Variants in SEMA3C observed in about 807,000 individuals in gnomAD.
SEMA3C encodes the protein semaphorin-3C.
A neutral mutation model predicts 89.4 loss-of-function variants in SEMA3C; 47 were observed. The ratio of observed to expected loss-of-function variants is 0.53; its 90% CI spans 0.42 to 0.67. SEMA3C has a LOEUF of 0.67. Ranked by LOEUF, SEMA3C falls within the 30% of genes least tolerant of loss-of-function variation. The pLI is 0.00. For synonymous variants in SEMA3C, 310 were observed against 320.2 expected (o/e 0.97, Z 0.34); for missense variants, 839 against 929.1 (o/e 0.90, Z 1.26).
chr7:80,756,754 G>T (rs929840061), intron 15 of SEMA3C, among the ~76,000 whole-genome samples: 1 of 152,032 alleles, frequency 6.6e-6, no homozygotes, highest in Non-Finnish European at 1.5e-5. Context: ...GCTAGATAAC[G>T]TCTTGGTGCC....
At chr7:80,827,288 G>C (rs1297579861) in intron 4 of SEMA3C, 137 bp downstream of exon 4, 1 of 836,802 alleles carries the variant, frequency 1.2e-6, no homozygotes, top group Non-Finnish European at 1.7e-6. Context: ...CAAGGTTTAG[G>C]TTTTTAGCCT....
chr7:80,876,562 A>G (rs943911703), intron 2 of SEMA3C, among the ~76,000 whole-genome samples: 29 of 152,200 alleles, frequency 1.9e-4, no homozygotes, highest in Non-Finnish European at 4.4e-5. Flanking sequence ...TGTTTTAGAG[A>G]TTAAACAAGT....
intron 2 of SEMA3C, among the ~76,000 whole-genome samples, chr7:80,876,491 T>C (rs1196844084): frequency 6.6e-6 from 1 of 152,222 alleles, no homozygotes; most frequent in South Asian, 2.1e-4. Flanking sequence ...AGCTAACTTC[T>C]CTGTGCCTCA....
rs556995318 is a variant in SEMA3C at position 80,814,317 on chromosome 7, T to C, written c.448-3616A>G. 2.6e-5 allele frequency among the ~76,000 whole-genome samples: 4 copies of C among 152,204 alleles called. No individual in the cohort carries two copies. The South Asian group carries it at 8.3e-4, about 32-fold the overall frequency. On this transcript the variant is annotated intron_variant, in intron 5 of 17. Coordinates refer to ENST00000265361, the MANE Select transcript of SEMA3C (RefSeq NM_006379.5). ...GTTAGCCAGGATGGTCTTGATCTCC[T>C]GACGTCATGATCTGCCCGCCTCGGC...
intron 6 of SEMA3C, among the ~76,000 whole-genome samples, chr7:80,807,812 A>T (rs1364534068): frequency 1.3e-5 from 2 of 152,218 alleles, no homozygotes; most frequent in African/African-American, 2.4e-5. Flanking sequence ...TTATTAGCAC[A>T]CTGCGCTTGA....
chr7:80,803,841 T>C (rs1789269540), intron 8 of SEMA3C, among the ~76,000 whole-genome samples: 1 of 152,072 alleles, frequency 6.6e-6, no homozygotes, highest in African/African-American at 2.4e-5. Flanking sequence ...AACAAAATAT[T>C]TTCTTGAATT....
At chr7:80,903,125 T>C (rs1005146593) in intron 2 of SEMA3C, among the ~76,000 whole-genome samples, 9 of 152,188 alleles carry the variant, frequency 5.9e-5, no homozygotes, top group African/African-American at 2.2e-4. Context: ...CCCTTAACAA[T>C]GAAGGTATGT....
chr7:80,762,681 C>T (rs1478784298), intron 13 of SEMA3C, among the ~76,000 whole-genome samples: 2 of 151,874 alleles, frequency 1.3e-5, no homozygotes, highest in South Asian at 2.1e-4. Flanking sequence ...AGTATGGTGG[C>T]GCATGCCTGT....
At chr7:80,754,225 C>T (rs1450715599) in intron 15 of SEMA3C, among the ~76,000 whole-genome samples, 4 of 152,154 alleles carry the variant, frequency 2.6e-5, no homozygotes, top group Non-Finnish European at 5.9e-5. Context: ...GTGTGGGCCA[C>T]TGCGCCCGGC....
intron 15 of SEMA3C, among the ~76,000 whole-genome samples, chr7:80,756,839 C>T (rs1001532382): frequency 2.0e-5 from 3 of 152,186 alleles, no homozygotes; most frequent in African/African-American, 7.2e-5. Flanking sequence ...TTTAACATCA[C>T]GACCTCCTGC....
chr7:80,862,921 TC>T (rs1790806487), intron 2 of SEMA3C, among the ~76,000 whole-genome samples: 2 of 152,144 alleles, frequency 1.3e-5, no homozygotes, highest in South Asian at 4.1e-4. Context: ...TCCTCATCTC[TC>T]TTCTTATACA....
In SEMA3C at chr7:80,758,384, AGG is replaced by A; in HGVS notation, c.1588_1589del (p.Pro530LeufsTer38). ...AGGAATGGCCATCCCAGGCGCAATA[AGG>A]GTCCCGCGCCAGGCAGCAGTCAGCA... ...ACADCCLARD[P>X]YCAWDGHSCS... On this transcript the variant is annotated frameshift_variant, in exon 15 of 18. Transcript: ENST00000265361. LOFTEE classifies it high-confidence loss of function. 6.2e-7 allele frequency: 1 copy of A among 1,613,948 alleles called. No individual in the cohort carries two copies. Among genetic ancestry groups the A allele is most frequent in the East Asian group, 2.2e-5 (1 of 44,892 alleles).
chr7:80,887,105 T>G (rs2116129664), intron 2 of SEMA3C, among the ~76,000 whole-genome samples: 1 of 152,270 alleles, frequency 6.6e-6, no homozygotes, highest in African/African-American at 2.4e-5. Context: ...CTTAAAAGAT[T>G]TCTATTTTAA....
intron 4 of SEMA3C, among the ~76,000 whole-genome samples, chr7:80,822,180 A>G (rs1280544349): frequency 6.6e-6 from 1 of 152,128 alleles, no homozygotes; most frequent in Non-Finnish European, 1.5e-5. Flanking sequence ...GCTTTTAAAG[A>G]AAGGAGAGCA....
In SEMA3C at chr7:80,754,748, G is replaced by A. The variant is rs16886854; in HGVS notation, c.1644-3412C>T. Among the ~76,000 whole-genome samples the A allele has an allele frequency of 5.7e-3, 872 of 151,924 alleles. 7 individuals carry two copies. Among genetic ancestry groups the A allele is most frequent in the African/African-American group, 0.02 (819 of 41,432 alleles). Reference sequence around the variant, plus strand: ...CTTTTCATGACAGAATTAAGGCACTGCTGGAGATAATCAAGATAGCTGTTT... The same window carrying A: ...CTTTTCATGACAGAATTAAGGCACTACTGGAGATAATCAAGATAGCTGTTT... On this transcript the variant is annotated intron_variant, in intron 15 of 17. Coordinates refer to ENST00000265361, the MANE Select transcript of SEMA3C (RefSeq NM_006379.5).
At chr7:80,863,817 A>ATG (rs1241941151) in intron 2 of SEMA3C, among the ~76,000 whole-genome samples, 2,595 of 123,510 alleles carry the variant, frequency 0.021, 82 homozygotes, top group Non-Finnish European at 0.028. Flanking sequence ...TGTGATACAT[A>ATG]TATATGTGAT....
At chr7:80,891,242 T>C (rs899457812) in intron 2 of SEMA3C, among the ~76,000 whole-genome samples, 2 of 152,204 alleles carry the variant, frequency 1.3e-5, no homozygotes, top group Non-Finnish European at 2.9e-5. Flanking sequence ...CATCAGACAT[T>C]GAAGCCCTCC....
intron 2 of SEMA3C, among the ~76,000 whole-genome samples, chr7:80,853,223 C>T (rs1277946484): frequency 6.6e-6 from 1 of 152,084 alleles, no homozygotes; most frequent in South Asian, 2.1e-4. Context: ...CCTCAAAAAA[C>T]TAACAATAGA....
At chr7:80,798,615 CAA>C (rs1196817980) in intron 10 of SEMA3C, among the ~76,000 whole-genome samples, 1 of 152,120 alleles carries the variant, frequency 6.6e-6, no homozygotes, top group Non-Finnish European at 1.5e-5. Context: ...CAATTTAACT[CAA>C]AGAGATGAAT....
Sources: allele counts gnomAD v4.1 joint callset (sites outside exome capture counted in the v4.1 genomes callset), GRCh38; gene constraint gnomAD v4.1.1; transcripts MANE v1.5; gene names NCBI Gene and HGNC (gene_info 2026-07-23, HGNC 2026-07-21).